The following SLC24A2 variants were observed in gnomAD, a reference collection of about 807,000 sequenced individuals.
SLC24A2 encodes sodium/potassium/calcium exchanger 2.
Under a neutral mutation model 62.0 loss-of-function variants are expected in SLC24A2, and 36 were observed. The ratio of observed to expected loss-of-function variants is 0.58; its 90% CI spans 0.44 to 0.77. The LOEUF (loss-of-function observed/expected upper bound fraction) is 0.77, where lower values mean the gene tolerates loss of function less well. Among genes scored for constraint, SLC24A2 ranks in the 30% least tolerant of loss-of-function variants. SLC24A2 has a pLI of 0.00. For synonymous variants in SLC24A2, 358 were observed against 294.0 expected, an observed-to-expected ratio of 1.22 and a Z score of -2.23; for missense variants, 846 against 817.9, an observed-to-expected ratio of 1.03 and a Z score of -0.42.
chr9:19,541,749 C>T (rs369357142), intron 8 of SLC24A2, among the ~76,000 whole-genome samples: 60 of 148,458 alleles, frequency 4.0e-4, no homozygotes, highest in African/African-American at 9.7e-4. Flanking sequence ...TCGAGCTTCC[C>T]GGCTGCTTTG....
intron 2 of SLC24A2, among the ~76,000 whole-genome samples, chr9:19,625,644 C>T (rs1306040384): frequency 6.6e-6 from 1 of 151,790 alleles, no homozygotes; most frequent in African/African-American, 2.4e-5. Context: ...TGACTTTAAT[C>T]TCTATTGTCC....
chr9:20,306,333 A>G, the SLC24A2 span, among the ~76,000 whole-genome samples: 14 of 152,364 alleles, frequency 9.2e-5, no homozygotes, highest in South Asian at 2.3e-3. Context: ...CAACAACAAC[A>G]ACAACAAAAA....
chr9:19,608,558 G>A (rs945356904), intron 4 of SLC24A2, among the ~76,000 whole-genome samples: 1 of 152,100 alleles, frequency 6.6e-6, no homozygotes, highest in Non-Finnish European at 1.5e-5. Context: ...TGGGAGCTGG[G>A]TGACTATGAA....
At chr9:19,946,845 G>T in the SLC24A2 span, among the ~76,000 whole-genome samples, 1 of 152,212 alleles carries the variant, frequency 6.6e-6, no homozygotes, top group African/African-American at 2.4e-5. Context: ...ACATCAAAGA[G>T]AATTCTCAGA....
chr9:20,178,480 G>C, the SLC24A2 span, among the ~76,000 whole-genome samples: 1 of 152,142 alleles, frequency 6.6e-6, no homozygotes, highest in Non-Finnish European at 1.5e-5. Context: ...TTAACTCCTT[G>C]CTGCCTTCTG....
chr9:20,126,142 T>C, the SLC24A2 span, among the ~76,000 whole-genome samples: 9 of 152,178 alleles, frequency 5.9e-5, no homozygotes, highest in African/African-American at 2.2e-4. Context: ...CGGTGGAGTT[T>C]TCTATTCTAC....
chr9:20,059,799 A>G, the SLC24A2 span, among the ~76,000 whole-genome samples: 1 of 152,074 alleles, frequency 6.6e-6, no homozygotes, highest in Non-Finnish European at 1.5e-5. Context: ...AAAGAATGAA[A>G]ATTAGAGCAG....
At chr9:19,594,118 CT>C (rs1338017234) in intron 5 of SLC24A2, among the ~76,000 whole-genome samples, 2 of 151,982 alleles carry the variant, frequency 1.3e-5, no homozygotes, top group Non-Finnish European at 2.9e-5. Flanking sequence ...ACAAAATCTC[CT>C]CCCACACCTC....
At chr9:19,608,354 C>T (rs1837049517) in intron 4 of SLC24A2, among the ~76,000 whole-genome samples, 2 of 151,228 alleles carry the variant, frequency 1.3e-5, no homozygotes, top group Admixed American at 1.3e-4. Flanking sequence ...GAGAAATAAG[C>T]TCTGGTATTT....
chr9:20,252,843 T>C, the SLC24A2 span, among the ~76,000 whole-genome samples: 2 of 152,240 alleles, frequency 1.3e-5, no homozygotes, highest in Non-Finnish European at 2.9e-5. Context: ...CCCCTTCTGG[T>C]ACCAGACTCT....
the SLC24A2 span, among the ~76,000 whole-genome samples, chr9:19,930,293 A>C: frequency 6.6e-6 from 1 of 152,176 alleles, no homozygotes; most frequent in South Asian, 2.1e-4. Flanking sequence ...TATTTACTCT[A>C]GTGTTTCCAC....
intron 7 of SLC24A2, among the ~76,000 whole-genome samples, chr9:19,561,358 A>G (rs1349100985): frequency 6.6e-6 from 1 of 152,122 alleles, no homozygotes; most frequent in Non-Finnish European, 1.5e-5. Context: ...TTGGAAGGCA[A>G]TGCCATCTGA....
At chr9:19,706,887 G>C (rs1271718939) in intron 2 of SLC24A2, among the ~76,000 whole-genome samples, 1 of 151,804 alleles carries the variant, frequency 6.6e-6, no homozygotes, top group Non-Finnish European at 1.5e-5. Context: ...CTAGCGGAAG[G>C]CAAGAAATAA....
chr9:20,199,526 A>G, the SLC24A2 span, among the ~76,000 whole-genome samples: 2 of 152,118 alleles, frequency 1.3e-5, no homozygotes, highest in Admixed American at 1.3e-4. Flanking sequence ...TAAATTTTTA[A>G]TCCTTTTAGA....
intron 2 of SLC24A2, among the ~76,000 whole-genome samples, chr9:19,783,092 T>A (rs923367647): frequency 6.6e-6 from 1 of 152,150 alleles, no homozygotes; most frequent in African/African-American, 2.4e-5. Context: ...CCAGTTCATG[T>A]TTTTCCATGC....
chr9:19,531,558 T>A (rs113292279), intron 8 of SLC24A2, among the ~76,000 whole-genome samples: 1 of 152,198 alleles, frequency 6.6e-6, no homozygotes, highest in Non-Finnish European at 1.5e-5. Flanking sequence ...CAGAGTGATA[T>A]CGGCTTGGCT....
the SLC24A2 span, among the ~76,000 whole-genome samples, chr9:19,863,329 T>C: frequency 3.9e-5 from 6 of 152,064 alleles, no homozygotes; most frequent in African/African-American, 1.4e-4. Context: ...CATTGACAGA[T>C]CTTCCAGACA....
the SLC24A2 span, among the ~76,000 whole-genome samples, chr9:20,173,430 C>T: frequency 1.3e-5 from 2 of 151,920 alleles, no homozygotes; most frequent in Non-Finnish European, 2.9e-5. Context: ...ACCTAGAAAA[C>T]CCTAAAGACT....
the SLC24A2 span, among the ~76,000 whole-genome samples, chr9:20,158,814 C>A: frequency 2.6e-5 from 4 of 151,476 alleles, no homozygotes; most frequent in Non-Finnish European, 4.4e-5. Flanking sequence ...CATATTTAAA[C>A]TATAACTAAA....
Sources: allele counts gnomAD v4.1 joint callset (sites outside exome capture counted in the v4.1 genomes callset), GRCh38; gene constraint gnomAD v4.1.1; transcripts MANE v1.5; gene names NCBI Gene and HGNC (gene_info 2026-07-23, HGNC 2026-07-21).